STPG2: variants seen among roughly 807,000 people sequenced by gnomAD.
The protein encoded by STPG2 is sperm tail PG-rich repeat containing 2, also known as sperm-tail PG-rich repeat-containing protein 2.
Under a neutral mutation model 54.2 loss-of-function variants are expected in STPG2, and 56 were observed. The observed-to-expected ratio is 1.03, with a 90% CI of 0.83 to 1.29. The LOEUF is 1.29. STPG2 is among the 50% of genes most tolerant of loss of function. STPG2 has a pLI of 0.00. For missense variants in STPG2, 596 were observed against 544.9 expected, an observed-to-expected ratio of 1.09 and a Z score of -0.93; for synonymous variants, 200 against 181.8, an observed-to-expected ratio of 1.10 and a Z score of -0.81.
intron 10 of STPG2, among the ~76,000 whole-genome samples, chr4:97,678,670 A>T (rs576779245): frequency 6.6e-6 from 1 of 151,718 alleles, no homozygotes; most frequent in Admixed American, 6.6e-5. Context: ...ACATGTGCAC[A>T]ATGTGCAGGT....
intron 4 of STPG2, among the ~76,000 whole-genome samples, chr4:97,491,076 G>A (rs1730494407): frequency 6.6e-6 from 1 of 151,080 alleles, no homozygotes; most frequent in African/African-American, 2.4e-5. Flanking sequence ...TTCTAACTCT[G>A]GTGAGGTGTT....
Position 97,998,079 on chromosome 4 carries a change from T to A in STPG2, c.613-16761A>T, listed in dbSNP as rs112101875. Among the ~76,000 whole-genome samples the A allele has an allele frequency of 4.3e-3, 653 of 152,226 alleles. 2 individuals are homozygous for A. The highest frequency in any genetic ancestry group is 0.02 in the Middle Eastern group (6 of 294). On this transcript the variant is annotated intron_variant, in intron 5 of 10. Coordinates refer to ENST00000295268, the MANE Select transcript of STPG2 (RefSeq NM_174952.3). ...TGACTAGAAAATAGTTCGGTGATGA[T>A]AAAATAATAATTAGAACAATAATGA...
At chr4:97,900,868 T>C in intron 8 of STPG2, among the ~76,000 whole-genome samples, 1 of 151,860 alleles carries the variant, frequency 6.6e-6, no homozygotes, top group Non-Finnish European at 1.5e-5. Context: ...ACAACAAACC[T>C]CTGTGACACA....
chr4:97,698,312 C>T (rs916647697), intron 10 of STPG2, among the ~76,000 whole-genome samples: 8 of 152,144 alleles, frequency 5.3e-5, no homozygotes, highest in African/African-American at 1.9e-4. Context: ...AATGGATCTC[C>T]TGTATTCCAT....
chr4:97,926,319 A>C (rs1732328927), intron 8 of STPG2, among the ~76,000 whole-genome samples: 2 of 152,062 alleles, frequency 1.3e-5, no homozygotes, highest in Non-Finnish European at 2.9e-5. Flanking sequence ...CATAAAACAG[A>C]CCTCAAATTC....
intron 9 of STPG2, among the ~76,000 whole-genome samples, chr4:97,773,959 G>C (rs570942367): frequency 6.6e-6 from 1 of 151,744 alleles, no homozygotes; most frequent in Admixed American, 6.6e-5. Context: ...AGTCCAACCT[G>C]GGTAACATGG....
chr4:97,816,517 T>C (rs1727915649), intron 9 of STPG2, among the ~76,000 whole-genome samples: 2 of 152,180 alleles, frequency 1.3e-5, no homozygotes, highest in South Asian at 4.1e-4. Flanking sequence ...AGCATTCCTA[T>C]TTCAGAGACC....
At chr4:97,517,924 T>G (rs1731108206) in intron 4 of STPG2, among the ~76,000 whole-genome samples, 1 of 152,158 alleles carries the variant, frequency 6.6e-6, no homozygotes, top group Admixed American at 6.6e-5. Flanking sequence ...CCATGTTGTC[T>G]TTATGGATTG....
chr4:98,082,424 G>T lies in STPG2; in HGVS notation c.612+23529C>A, dbSNP rs528710269. On this transcript the variant is annotated intron_variant, in intron 5 of 10. Coordinates refer to ENST00000295268, the MANE Select transcript of STPG2 (RefSeq NM_174952.3). ...GCTTTTCTTCCCATCTTTCCCATGT[G>T]CAGGTCCACTTTTTTTTTTTTTTTT... is the stretch of plus-strand genomic sequence containing the variant. 3.1e-3 allele frequency among the ~76,000 whole-genome samples: 366 copies of T among 116,812 alleles called. 2 individuals carry two copies. Among genetic ancestry groups the T allele is most frequent in the Non-Finnish European group, 5.0e-3 (294 of 58,448 alleles). The allele number at this position is 116,812 out of a possible 152,430, so 76.6% of individuals were successfully genotyped here.
intron 8 of STPG2, among the ~76,000 whole-genome samples, chr4:97,918,149 C>G (rs919874533): frequency 6.6e-6 from 1 of 151,336 alleles, no homozygotes; most frequent in Non-Finnish European, 1.5e-5. Flanking sequence ...TCATAAAAGA[C>G]TTATTAGACT....
intron 8 of STPG2, among the ~76,000 whole-genome samples, chr4:97,924,915 T>C (rs1008109671): frequency 1.3e-5 from 2 of 152,218 alleles, no homozygotes; most frequent in East Asian, 1.9e-4. Flanking sequence ...TACAAAATGT[T>C]GGATGGATGC....
chr4:98,093,070 C>A (rs62321597), intron 5 of STPG2, among the ~76,000 whole-genome samples: 59,927 of 151,712 alleles, frequency 0.4, 12,021 homozygotes, highest in Middle Eastern at 0.46. Context: ...AGTTATTTGA[C>A]CTAATACAAA....
chr4:97,741,131 A>C (rs1246919488), intron 9 of STPG2, among the ~76,000 whole-genome samples: 1 of 152,200 alleles, frequency 6.6e-6, no homozygotes, highest in Non-Finnish European at 1.5e-5. Context: ...CCTATTTAAT[A>C]AATGCTGCTG....
chr4:97,796,926 G>T (rs1386023609), intron 9 of STPG2, among the ~76,000 whole-genome samples: 1 of 152,110 alleles, frequency 6.6e-6, no homozygotes, highest in Non-Finnish European at 1.5e-5. Context: ...TTGTAAGTTG[G>T]ATTCCTAGGT....
At chr4:97,839,554 G>T (rs1248379351) in intron 9 of STPG2, among the ~76,000 whole-genome samples, 3 of 151,596 alleles carry the variant, frequency 2.0e-5, no homozygotes, top group African/African-American at 4.8e-5. Flanking sequence ...AAACTTCAAA[G>T]AACTTATTTC....
intron 9 of STPG2, among the ~76,000 whole-genome samples, chr4:97,810,205 C>G (rs1727692135): frequency 6.6e-6 from 1 of 152,096 alleles, no homozygotes; most frequent in African/African-American, 2.4e-5. Flanking sequence ...GTGGCTCAGG[C>G]CTATAATCCC....
rs538947065 is a variant in STPG2 at position 97,901,785 on chromosome 4, G to A, written c.1044+42112C>T. Among the ~76,000 whole-genome samples, 27 of 151,572 alleles carry A rather than the reference G, an allele frequency of 1.8e-4. No homozygotes were observed. In the East Asian group the frequency reaches 1.9e-3, roughly 11 times the overall value. Reference sequence around the variant, plus strand: ...AATGCAATCCCTATCAAAATTTCACGACATTTTTCACAGAAATAAAAAAAA... The same window carrying A: ...AATGCAATCCCTATCAAAATTTCACAACATTTTTCACAGAAATAAAAAAAA... On this transcript the variant is annotated intron_variant, in intron 8 of 10. Coordinates refer to ENST00000295268, the MANE Select transcript of STPG2 (RefSeq NM_174952.3).
At chr4:97,808,429 GCTAA>G (rs1326853993) in intron 9 of STPG2, among the ~76,000 whole-genome samples, 1 of 151,770 alleles carries the variant, frequency 6.6e-6, no homozygotes, top group Non-Finnish European at 1.5e-5. Flanking sequence ...AGAGGTAATC[GCTAA>G]CTATCCACTA....
At chr4:97,454,828 T>G in intron 4 of STPG2, among the ~76,000 whole-genome samples, 1 of 152,250 alleles carries the variant, frequency 6.6e-6, no homozygotes, top group Middle Eastern at 3.4e-3. Flanking sequence ...CAGTAAAGTC[T>G]TTCAAACTGT....
Sources: allele counts gnomAD v4.1 joint callset (sites outside exome capture counted in the v4.1 genomes callset), GRCh38; gene constraint gnomAD v4.1.1; transcripts MANE v1.5; gene names NCBI Gene and HGNC (gene_info 2026-07-23, HGNC 2026-07-21).